RAB29: variants seen among roughly 807,000 people sequenced by gnomAD.
The protein encoded by RAB29 is RAB29, member RAS oncogene family, also known as ras-related protein Rab-29.
Under a neutral mutation model 25.5 loss-of-function variants are expected in RAB29, and 13 were observed. The ratio of observed to expected loss-of-function variants is 0.51; its 90% CI spans 0.33 to 0.81. The LOEUF (loss-of-function observed/expected upper bound fraction) is 0.81. Ranked by LOEUF, RAB29 falls within the 30% of genes least tolerant of loss-of-function variation. The pLI is 0.02. For missense variants in RAB29, 201 were observed against 254.9 expected (o/e 0.79, Z 1.44); for synonymous variants, 88 against 95.0 (o/e 0.93, Z 0.43).
At chr1:205,772,367 C>A (rs1655073999) in intron 3 of RAB29, 129 bp downstream of exon 3, 1 of 955,930 alleles carries the variant, frequency 1.0e-6, no homozygotes, top group East Asian at 2.4e-5. Context: ...GCTCATGTGT[C>A]CTCAGAGCAG....
intron 2 of RAB29, 86 bp from the exon 3 acceptor site, chr1:205,772,653 C>A: frequency 8.1e-7 from 1 of 1,229,374 alleles, no homozygotes; most frequent in South Asian, 1.2e-5. Context: ...GGCAGTGAAA[C>A]CCTATGGACA....
chr1:205,772,700 C>G, intron 2 of RAB29, 133 bp from the exon 3 acceptor site: 2 of 806,526 alleles, frequency 2.5e-6, no homozygotes, highest in Non-Finnish European at 2.1e-6. Flanking sequence ...TTTAAGCCCT[C>G]AATTCACTGA....
At position 205,768,537 on chromosome 1, in the gene RAB29, G is replaced by GTT. The variant is rs56129364; in HGVS notation, c.*1803_*1804dup. 1,712 of 144,042 alleles carry GTT rather than the reference G, an allele frequency of 0.012. 20 individuals are homozygous for GTT. The highest frequency in any genetic ancestry group is 0.024 in the African/African-American group (938 of 39,362). 8.9% of individuals were successfully genotyped at this position (144,042 alleles called of 1,614,324 possible). On this transcript the variant is annotated 3_prime_UTR_variant, in exon 6 of 6. Transcript: ENST00000367139. ...GGGACCCAAAAATCTTTTTCTTTTT[G>GTT]TTTTTTTTTTTTGGAGATGGAGTTT... is the stretch of plus-strand genomic sequence containing the variant.
intron 4 of RAB29, 31 bp from the exon 5 acceptor site, chr1:205,770,885 C>G: frequency 6.2e-7 from 1 of 1,612,956 alleles, no homozygotes; most frequent in Non-Finnish European, 8.5e-7. Context: ...AAGGCAGTAT[C>G]ATAAACTTCC....
chr1:205,772,340 A>T (rs1341567031), intron 3 of RAB29, among the ~76,000 whole-genome samples, 156 bp downstream of exon 3: 1 of 152,128 alleles, frequency 6.6e-6, no homozygotes, highest in East Asian at 1.9e-4. Context: ...CATCTACAAA[A>T]GCTCTGCACC....
chr1:205,774,794 C>CAGCA, intron 2 of RAB29, 39 bp downstream of exon 2: 2 of 1,419,272 alleles, frequency 1.4e-6, no homozygotes, highest in Non-Finnish European at 1.9e-6. Context: ...TCGGGGCCTC[C>CAGCA]TCCTCCCCCT....
In RAB29 at chr1:205,767,999, T is replaced by C. The variant is rs1317895181; in HGVS notation, c.*2343A>G. 1 of 152,176 alleles carries C rather than the reference T, an allele frequency of 6.6e-6. No individual in the cohort carries two copies. The highest frequency in any genetic ancestry group is 1.5e-5 in the Non-Finnish European group (1 of 68,034). 9.4% of individuals were successfully genotyped at this position (152,176 alleles called of 1,614,324 possible). The stretch of plus-strand genomic sequence containing the variant: ...AACCACCATGAATACAAGACTTAGT[T>C]CTCATTTATTTGTGATTTTGCAGGT... On this transcript the variant is annotated 3_prime_UTR_variant, in exon 6 of 6. Transcript: ENST00000367139.
Position 205,770,314 on chromosome 1 carries a change from A to G in RAB29, c.*28T>C, listed in dbSNP as rs772578729. 1.3e-6 allele frequency: 2 copies of G among 1,574,068 alleles called. No homozygotes were observed. The highest frequency in any genetic ancestry group is 3.3e-5 in the Admixed American group (2 of 59,958). On this transcript the variant is annotated 3_prime_UTR_variant, in exon 6 of 6. Transcript: ENST00000367139. ...GAAGAGACTTAAAAGACCTCCCAGA[A>G]CTGGGATGGAAAATAAGCCAAACAC...
rs1237696053 is a variant in RAB29, at chr1:205,771,460, T to C, written c.378+12A>G. On this transcript the variant is annotated intron_variant, in intron 4 of 5. Coordinates refer to ENST00000367139, the MANE Select transcript of RAB29 (RefSeq NM_003929.3). ...AGAGGCTAGGGACCATTTTCTGAGATTGGCCACATACCTTGTTGGCCAAGA... is the reference window on the plus strand; with the variant it reads ...AGAGGCTAGGGACCATTTTCTGAGACTGGCCACATACCTTGTTGGCCAAGA... 5 of 1,613,236 alleles carry C rather than the reference T, an allele frequency of 3.1e-6. No homozygotes were observed. The highest frequency in any genetic ancestry group is 1.3e-5 in the African/African-American group (1 of 74,934).
intron 4 of RAB29, 139 bp downstream of exon 4, chr1:205,771,333 C>T (rs1197892154): frequency 8.0e-6 from 8 of 1,003,938 alleles, no homozygotes; most frequent in Non-Finnish European, 1.2e-5. Flanking sequence ...CTCACTCACC[C>T]TCAACATCCT....
At chr1:205,774,795 T>TG in intron 2 of RAB29, 38 bp downstream of exon 2, 7 of 860,516 alleles carry the variant, frequency 8.1e-6, no homozygotes, top group Non-Finnish European at 1.3e-5. Context: ...CGGGGCCTCC[T>TG]CCTCCCCCTC....
At position 205,775,285 on chromosome 1, in the gene RAB29, C is replaced by T; in HGVS notation, c.-143G>A. On this transcript the variant is annotated 5_prime_UTR_variant, in exon 1 of 6. Transcript: ENST00000367139. ...GAACCTCACCCACCGGGACTTCCCC[C>T]GAGCGGCTCCAAGTCAGTGACTGAA... 3.4e-6 allele frequency: 1 copy of T among 291,922 alleles called. No individual in the cohort carries two copies. Among genetic ancestry groups the T allele is most frequent in the Non-Finnish European group, 6.5e-6 (1 of 153,350 alleles). 18.1% of individuals were successfully genotyped at this position (291,922 alleles called of 1,614,324 possible).
intron 4 of RAB29, chr1:205,771,160 G>A: frequency 2.2e-6 from 1 of 464,830 alleles, no homozygotes; most frequent in Non-Finnish European, 3.9e-6. Flanking sequence ...TTAGCTGGGT[G>A]TGGTGGTGGG....
intron 4 of RAB29, 57 bp downstream of exon 4, chr1:205,771,415 C>T: frequency 6.3e-7 from 1 of 1,579,684 alleles, no homozygotes; most frequent in South Asian, 1.1e-5. Context: ...GAGCATTTTA[C>T]TTCCTTTCTA....
chr1:205,770,584 T>A, intron 5 of RAB29, 131 bp from the exon 6 acceptor site: 1 of 1,421,250 alleles, frequency 7.0e-7, no homozygotes, highest in Non-Finnish European at 9.7e-7. Flanking sequence ...TCCCCAGTTA[T>A]CTCAGGAAAG....
intron 4 of RAB29, chr1:205,771,192 G>C (rs112719620): frequency 7.1e-5 from 34 of 480,994 alleles, no homozygotes; most frequent in South Asian, 6.6e-4. Flanking sequence ...CCAGCTACTC[G>C]GGAGGCTGAG....
chr1:205,774,795 T>TCCGGCC, intron 2 of RAB29, 38 bp downstream of exon 2: 10 of 860,522 alleles, frequency 1.2e-5, no homozygotes, highest in Non-Finnish European at 1.6e-5. Flanking sequence ...CGGGGCCTCC[T>TCCGGCC]CCTCCCCCTC....
At chr1:205,771,680 G>A (rs371434555) in intron 3 of RAB29, 27 bp from the exon 4 acceptor site, 1 of 1,603,492 alleles carries the variant, frequency 6.2e-7, no homozygotes, top group Non-Finnish European at 8.5e-7. Flanking sequence ...GAGTTCTCAA[G>A]GTGACCCAAG....
chr1:205,768,570 G>A lies in RAB29; in HGVS notation c.*1772C>T, dbSNP rs1286945340. 6.9e-6 allele frequency: 1 copy of A among 144,104 alleles called. No homozygotes were observed. The highest frequency in any genetic ancestry group is 1.5e-5 in the Non-Finnish European group (1 of 66,512). 8.9% of individuals were successfully genotyped at this position (144,104 alleles called of 1,614,324 possible). ...TTTTTGGAGATGGAGTTTCACTCTT[G>A]TTGCCCAGGCTGAAGCGCAATGGTG... On this transcript the variant is annotated 3_prime_UTR_variant, in exon 6 of 6. Coordinates refer to ENST00000367139, the MANE Select transcript of RAB29 (RefSeq NM_003929.3).
Sources: allele counts gnomAD v4.1 joint callset (sites outside exome capture counted in the v4.1 genomes callset), GRCh38; gene constraint gnomAD v4.1.1; transcripts MANE v1.5; gene names NCBI Gene and HGNC (gene_info 2026-07-23, HGNC 2026-07-21).